PARD3B: variants seen among roughly 807,000 people sequenced by gnomAD.
The protein encoded by PARD3B is partitioning defective 3 homolog B.
Under a neutral mutation model 130.2 loss-of-function variants are expected in PARD3B, and 103 were observed. The ratio of observed to expected loss-of-function variants is 0.79; its 90% CI spans 0.67 to 0.93. The LOEUF (loss-of-function observed/expected upper bound fraction) is 0.93, where lower values mean the gene tolerates loss of function less well. Among genes scored for constraint, PARD3B ranks in the 40% least tolerant of loss-of-function variants. The probability of loss-of-function intolerance (pLI) is 0.00; values close to 1 mark genes in which losing one functional copy is unlikely to be tolerated. For missense variants in PARD3B, 1,609 were observed against 1,499.2 expected, an observed-to-expected ratio of 1.07 and a Z score of -1.21; for synonymous variants, 583 against 553.2, an observed-to-expected ratio of 1.05 and a Z score of -0.76.
chr2:205,486,972 C>T (rs903375446), intron 20 of PARD3B, among the ~76,000 whole-genome samples: 1 of 152,140 alleles, frequency 6.6e-6, no homozygotes, highest in Non-Finnish European at 1.5e-5. Flanking sequence ...TTCATAAATT[C>T]TTGGACCTAG....
chr2:204,738,798 A>AT (rs1170408600), intron 2 of PARD3B, among the ~76,000 whole-genome samples: 2 of 151,898 alleles, frequency 1.3e-5, no homozygotes, highest in African/African-American at 2.4e-5. Flanking sequence ...GCAACATCTG[A>AT]TTTTTTTTCT....
rs1188893262 is a variant in PARD3B at position 205,269,577 on chromosome 2, T to G, written c.2185+23755T>G. Among the ~76,000 whole-genome samples, 1 of 152,122 alleles carries G rather than the reference T, an allele frequency of 6.6e-6. No homozygotes were observed. The highest frequency in any genetic ancestry group is 2.4e-5 in the African/African-American group (1 of 41,430). On this transcript the variant is annotated intron_variant, in intron 16 of 22. Transcript: ENST00000406610. This position sits in a 1 kb window ranked among gnomAD's most constrained non-coding sequence, Gnocchi z 4.7. Reference sequence around the variant, plus strand: ...GCAATTGGGCTGCTGGGCTGCTGATTCTCAATAACCACACTTACACCTGAC... The same window carrying G: ...GCAATTGGGCTGCTGGGCTGCTGATGCTCAATAACCACACTTACACCTGAC...
intron 16 of PARD3B, among the ~76,000 whole-genome samples, chr2:205,299,313 G>A (rs2041904509): frequency 6.6e-6 from 1 of 152,130 alleles, no homozygotes; most frequent in Non-Finnish European, 1.5e-5. Context: ...GCCGTTTATT[G>A]AGCCTTGCTA....
At chr2:205,189,638 C>T (rs1021090149) in intron 14 of PARD3B, among the ~76,000 whole-genome samples, 2 of 152,164 alleles carry the variant, frequency 1.3e-5, no homozygotes, top group African/African-American at 4.8e-5. Flanking sequence ...TTAATGCAAA[C>T]ACTCGAGATA....
intron 19 of PARD3B, among the ~76,000 whole-genome samples, chr2:205,401,682 CTTGAGGAGCTTAATGTTCCA>C (rs1488089510): frequency 1.3e-5 from 2 of 152,178 alleles, no homozygotes; most frequent in African/African-American, 4.8e-5. Context: ...AATTCTCCTG[CTTGAGGAGCTTAATGTTCCA>C]TTTGGACAAG....
intron 3 of PARD3B, among the ~76,000 whole-genome samples, chr2:205,025,480 C>T (rs1226396798): frequency 6.6e-6 from 1 of 152,124 alleles, no homozygotes; most frequent in Non-Finnish European, 1.5e-5. Flanking sequence ...CACAGTGAGT[C>T]CCAATTAGAC....
Position 205,146,237 on chromosome 2 carries a change from C to A in PARD3B, c.1435-12485C>A, listed in dbSNP as rs947577033. On this transcript the variant is annotated intron_variant, in intron 10 of 22. Coordinates refer to ENST00000406610, the MANE Select transcript of PARD3B (RefSeq NM_001302769.2). This position sits in a 1 kb window ranked among gnomAD's most constrained non-coding sequence, Gnocchi z 4.3. ...TTTTAAAGATGTTACATGCAGGTAG[C>A]CTGGCATCAAAGAATTTGTGATAGC... is the stretch of plus-strand genomic sequence containing the variant. 6.6e-6 allele frequency among the ~76,000 whole-genome samples: 1 copy of A among 152,184 alleles called. No individual in the cohort carries two copies. Among genetic ancestry groups the A allele is most frequent in the Non-Finnish European group, 1.5e-5 (1 of 68,030 alleles).
rs1553541992 is a variant in PARD3B, at chr2:204,563,219, C to CTG, written c.120+17101_120+17102insGT. On this transcript the variant is annotated intron_variant, in intron 1 of 22. Transcript: ENST00000406610. ...TTTTTACATGCCGTCTTCCCGCTGT[C>CTG]TCTCTCTCTCTCTCTCTCTCTCTCT... 2.1e-3 allele frequency among the ~76,000 whole-genome samples: 147 copies of CTG among 69,526 alleles called. 2 individuals are homozygous for CTG. The highest frequency in any genetic ancestry group is 0.01 in the African/African-American group (136 of 13,512). The allele number at this position is 69,526 out of a possible 152,430, so 45.6% of individuals were successfully genotyped here.
At chr2:205,362,529 G>C (rs2044428883) in intron 18 of PARD3B, among the ~76,000 whole-genome samples, 1 of 152,076 alleles carries the variant, frequency 6.6e-6, no homozygotes, top group South Asian at 2.1e-4. Context: ...AATGCCCCCA[G>C]CTCCCTTTTG....
chr2:204,814,444 T>A (rs1216973801), intron 2 of PARD3B, among the ~76,000 whole-genome samples: 1 of 151,848 alleles, frequency 6.6e-6, no homozygotes, highest in African/African-American at 2.4e-5. Context: ...TATTAAAATG[T>A]ATATATCATG....
chr2:205,570,952 AAATATT>A (rs1490946028), intron 22 of PARD3B, among the ~76,000 whole-genome samples: 1 of 152,180 alleles, frequency 6.6e-6, no homozygotes, highest in Non-Finnish European at 1.5e-5. Context: ...AAAGGAAGTA[AAATATT>A]AATATTAAAC....
Position 204,967,941 on chromosome 2 carries a change from C to T in PARD3B, c.394+2618C>T, listed in dbSNP as rs1691391089. On this transcript the variant is annotated intron_variant, in intron 3 of 22. Transcript: ENST00000406610. This position sits in a 1 kb window ranked among gnomAD's most constrained non-coding sequence, Gnocchi z 4.4. Reference sequence around the variant, plus strand: ...GGGCGGTGAGAGGAGTTTTGCAGCACCTGTGCCCCAGCAGTTCCTCCTAAC... The same window carrying T: ...GGGCGGTGAGAGGAGTTTTGCAGCATCTGTGCCCCAGCAGTTCCTCCTAAC... Among the ~76,000 whole-genome samples, 1 of 152,108 alleles carries T rather than the reference C, an allele frequency of 6.6e-6. No individual in the cohort carries two copies. Among genetic ancestry groups the T allele is most frequent in the South Asian group, 2.1e-4 (1 of 4,824 alleles).
chr2:205,192,074 T>C (rs566318667), intron 14 of PARD3B, among the ~76,000 whole-genome samples: 1 of 152,334 alleles, frequency 6.6e-6, no homozygotes, highest in East Asian at 1.9e-4. Flanking sequence ...GTTCATTTAT[T>C]CATTTGGCAA....
At chr2:205,392,267 A>G (rs1319552977) in intron 18 of PARD3B, among the ~76,000 whole-genome samples, 2 of 152,152 alleles carry the variant, frequency 1.3e-5, no homozygotes, top group African/African-American at 4.8e-5. Context: ...TTTTAATCCT[A>G]AAAACAAACA....
At chr2:204,996,947 G>C (rs1375627351) in intron 3 of PARD3B, among the ~76,000 whole-genome samples, 1 of 151,954 alleles carries the variant, frequency 6.6e-6, no homozygotes, top group Non-Finnish European at 1.5e-5. Flanking sequence ...GCTCGCACAT[G>C]GTGCGCGCAC....
At chr2:204,783,903 A>T (rs1431170468) in intron 2 of PARD3B, among the ~76,000 whole-genome samples, 1 of 152,142 alleles carries the variant, frequency 6.6e-6, no homozygotes, top group African/African-American at 2.4e-5. Context: ...GGCTTTTTGG[A>T]ATACAGTATA....
At chr2:205,004,205 G>T (rs973524140) in intron 3 of PARD3B, among the ~76,000 whole-genome samples, 1 of 152,134 alleles carries the variant, frequency 6.6e-6, no homozygotes, top group African/African-American at 2.4e-5. Flanking sequence ...AAGGCTCTTT[G>T]TTCTTGTCTC....
rs145851981 is a variant in PARD3B at position 204,948,579 on chromosome 2, G to A, written c.223-16573G>A. On this transcript the variant is annotated intron_variant, in intron 2 of 22. Coordinates refer to ENST00000406610, the MANE Select transcript of PARD3B (RefSeq NM_001302769.2). ...CATTTTTCCCCAGCACACAGAGACC[G>A]AACATGAGCATTAAAACAAAAAAAG... Among the ~76,000 whole-genome samples the A allele has an allele frequency of 2.5e-4, 38 of 152,182 alleles. No homozygotes were observed. In the East Asian group the frequency reaches 5.2e-3, roughly 21 times the overall value.
intron 2 of PARD3B, among the ~76,000 whole-genome samples, chr2:204,847,847 A>G (rs1050011796): frequency 6.6e-6 from 1 of 152,208 alleles, no homozygotes; most frequent in South Asian, 2.1e-4. Flanking sequence ...AAAGGAAAAC[A>G]TCGTATGCTG....
Sources: allele counts gnomAD v4.1 joint callset (sites outside exome capture counted in the v4.1 genomes callset), GRCh38; gene constraint gnomAD v4.1.1; non-coding constraint Gnocchi (gnomAD v3.1); transcripts MANE v1.5; gene names NCBI Gene and HGNC (gene_info 2026-07-23, HGNC 2026-07-21).